Variants in BARD1 observed in about 807,000 individuals in gnomAD.
BARD1 encodes BRCA1-associated RING domain protein 1.
BARD1 carries 73 observed loss-of-function variants against 77.0 expected under a neutral mutation model. The ratio of observed to expected loss-of-function variants is 0.95; its 90% CI spans 0.79 to 1.15. BARD1 has a LOEUF of 1.15. Ranked by LOEUF, BARD1 falls within the 50% of genes most tolerant of loss-of-function variation. BARD1 has a pLI of 0.00. For missense variants in BARD1, 993 were observed against 938.8 expected (o/e 1.06, Z -0.75); for synonymous variants, 384 against 338.0 (o/e 1.14, Z -1.49).
chr2:214,761,501 A>G lies in BARD1; in HGVS notation c.1568+5981T>C, dbSNP rs550834122. Among the ~76,000 whole-genome samples the G allele has an allele frequency of 2.6e-5, 4 of 152,322 alleles. No homozygotes were observed. The East Asian group carries it at 7.7e-4, about 29-fold the overall frequency. ...TCAAGGTTATCCCAGGAATACAAGC[A>G]TTATTTAATATTTTTAAATGTATTA... On this transcript the variant is annotated intron_variant, in intron 6 of 10. Transcript: ENST00000260947.
intron 6 of BARD1, among the ~76,000 whole-genome samples, chr2:214,758,024 T>TA (rs1693779166): frequency 6.6e-6 from 1 of 152,136 alleles, no homozygotes; most frequent in Non-Finnish European, 1.5e-5. Context: ...CTGTAAGCTA[T>TA]GGTCAGATTA....
At chr2:214,741,804 C>T (rs1298283496) in intron 9 of BARD1, among the ~76,000 whole-genome samples, 1 of 152,130 alleles carries the variant, frequency 6.6e-6, no homozygotes, top group Non-Finnish European at 1.5e-5. Flanking sequence ...TTAATTATGG[C>T]ACTGTAAGAT....
chr2:214,754,312 A>C (rs1693595167), intron 6 of BARD1, among the ~76,000 whole-genome samples: 1 of 151,844 alleles, frequency 6.6e-6, no homozygotes, highest in African/African-American at 2.4e-5. Flanking sequence ...ATGGTACTCC[A>C]GCCTGAGCAA....
In BARD1 at chr2:214,769,242, C is replaced by T. The variant is rs1213894295; in HGVS notation, c.1385G>A (p.Trp462Ter). 1.2e-6 allele frequency: 2 copies of T among 1,611,708 alleles called. No individual in the cohort carries two copies. Among genetic ancestry groups the T allele is most frequent in the Admixed American group, 1.7e-5 (1 of 59,990 alleles). The change falls in exon 5 of 11, where the codon TGG becomes TAG. Residue 462 changes from tryptophan (W) to a stop codon, truncating the protein, a stop_gained. Coordinates refer to ENST00000260947, the MANE Select transcript of BARD1 (RefSeq NM_000465.4). LOFTEE classifies it high-confidence loss of function. ...AAACCAGACAACTACCAATGGTGTC[C>T]ATCCAGCATGGTCTTTAACATTTGG... ...SDPNVKDHAGWTPLHEACNHG... is the reference protein window; with the variant it reads ...SDPNVKDHAG
At chr2:214,780,414 A>T in intron 4 of BARD1, 146 bp downstream of exon 4, 1 of 733,788 alleles carries the variant, frequency 1.4e-6, no homozygotes. Context: ...TCTCCCTATG[A>T]ATCTGGCTTC....
chr2:214,774,787 C>T (rs2106094802), intron 4 of BARD1, among the ~76,000 whole-genome samples: 1 of 152,344 alleles, frequency 6.6e-6, no homozygotes, highest in East Asian at 1.9e-4. Context: ...TTTAGTGTGC[C>T]ACTCTCATAA....
intron 7 of BARD1, among the ~76,000 whole-genome samples, chr2:214,748,347 C>T (rs190885306): frequency 6.6e-6 from 1 of 151,956 alleles, no homozygotes; most frequent in African/African-American, 2.4e-5. Context: ...GGTCTCTGAC[C>T]CATGAGGCTC....
intron 6 of BARD1, among the ~76,000 whole-genome samples, chr2:214,766,568 T>C (rs895836947): frequency 6.6e-6 from 1 of 152,128 alleles, no homozygotes; most frequent in Admixed American, 6.6e-5. Context: ...CCCCCAAATA[T>C]GTCAGCACAG....
chr2:214,767,482 A>G lies in BARD1; in HGVS notation c.1568T>C (p.Val523Ala), dbSNP rs587780017. The change falls in exon 6 of 11, where the codon GTT becomes GCT. Residue 523 changes from valine (V) to alanine (A), a missense_variant and splice_region_variant. Physicochemically the swap from Val to Ala is moderately conservative, Grantham distance 64. Coordinates refer to ENST00000260947, the MANE Select transcript of BARD1 (RefSeq NM_000465.4). ...ATAATTTTTACGTTGAACTACTTAC[A>G]CAGCATTTCTGGAGGCTCCATAGGA... ...LLSYGASRNA[V>A]NIFGLRPVDY... 4.6e-5 allele frequency: 74 copies of G among 1,612,872 alleles called. 1 individual carries two copies. The highest frequency in any genetic ancestry group is 1.7e-5 in the Admixed American group (1 of 59,986).
chr2:214,783,929 T>C (rs142575552), intron 3 of BARD1, among the ~76,000 whole-genome samples: 3,775 of 152,262 alleles, frequency 0.025, 155 homozygotes, highest in African/African-American at 0.085. Context: ...GAAGAAAATC[T>C]AGGCAATACC....
intron 3 of BARD1, among the ~76,000 whole-genome samples, chr2:214,785,715 G>GA (rs200122586): frequency 0.054 from 7,985 of 146,876 alleles, 250 homozygotes; most frequent in Admixed American, 0.086. Flanking sequence ...TTCAGGCCCA[G>GA]AAAAAAAAAG....
At chr2:214,787,695 T>C (rs1328694413) in intron 3 of BARD1, among the ~76,000 whole-genome samples, 7 of 151,924 alleles carry the variant, frequency 4.6e-5, no homozygotes, top group Admixed American at 1.3e-4. Context: ...CACAAAATAT[T>C]GAGTAACAGA....
chr2:214,752,927 A>C lies in BARD1; in HGVS notation c.1569-372T>G, dbSNP rs918971768. 2.6e-5 allele frequency among the ~76,000 whole-genome samples: 4 copies of C among 152,168 alleles called. No homozygotes were observed. In the East Asian group the frequency reaches 7.7e-4, roughly 29 times the overall value. Reference sequence around the variant, plus strand: ...GCCATATAGTCTTTATAAACCAATAAAAAATTAGATAAATTCACAGGACAG... The same window carrying C: ...GCCATATAGTCTTTATAAACCAATACAAAATTAGATAAATTCACAGGACAG... On this transcript the variant is annotated intron_variant, in intron 6 of 10. Transcript: ENST00000260947.
chr2:214,769,449 A>G lies in BARD1; in HGVS notation c.1315-137T>C, dbSNP rs1008573109. 8.1e-6 allele frequency: 6 copies of G among 740,236 alleles called. No individual in the cohort carries two copies. In the African/African-American group the frequency reaches 1.1e-4, roughly 13 times the overall value. The allele number at this position is 740,236 out of a possible 1,614,324, so 45.9% of individuals were successfully genotyped here. On this transcript the variant is annotated intron_variant, in intron 4 of 10. Transcript: ENST00000260947. Reference sequence around the variant, plus strand: ...TCTTAAGGCTACTGTTCATGAGTTAATAAATTATTAGGCCGGGTGTGGTGG... The same window carrying G: ...TCTTAAGGCTACTGTTCATGAGTTAGTAAATTATTAGGCCGGGTGTGGTGG...
chr2:214,798,858 C>T (rs1695882581), intron 1 of BARD1, among the ~76,000 whole-genome samples: 1 of 151,616 alleles, frequency 6.6e-6, no homozygotes, highest in African/African-American at 2.4e-5. Flanking sequence ...GAGGCTCATG[C>T]CTGTAATCCT....
rs530249056 is a variant in BARD1, at chr2:214,788,254, T to G, written c.364+4043A>C. On this transcript the variant is annotated intron_variant, in intron 3 of 10. Coordinates refer to ENST00000260947, the MANE Select transcript of BARD1 (RefSeq NM_000465.4). ...CTGACCAGCACCTGCAAGGTCTGAC[T>G]TAATATGATAGGGTTGAAGAGAAAA... Among the ~76,000 whole-genome samples the G allele has an allele frequency of 2.2e-4, 34 of 152,128 alleles. No homozygotes were observed. The South Asian group carries it at 6.0e-3, about 27-fold the overall frequency.
chr2:214,802,572 AT>A (rs111535702), intron 1 of BARD1, among the ~76,000 whole-genome samples: 6 of 151,666 alleles, frequency 4.0e-5, no homozygotes, highest in Non-Finnish European at 8.8e-5. Context: ...CTTAACTTTC[AT>A]TTTTTCTGAG....
In BARD1 at chr2:214,788,106, C is replaced by T. The variant is rs993009622; in HGVS notation, c.364+4191G>A. ...TAGCATATATGAAACACTATGTAAT[C>T]GTTACAGAAAGACGAGCATCTCTCT... On this transcript the variant is annotated intron_variant, in intron 3 of 10. Coordinates refer to ENST00000260947, the MANE Select transcript of BARD1 (RefSeq NM_000465.4). Among the ~76,000 whole-genome samples, 4 of 151,788 alleles carry T rather than the reference C, an allele frequency of 2.6e-5. No homozygotes were observed. In the East Asian group the frequency reaches 5.8e-4, roughly 22 times the overall value.
At chr2:214,751,557 G>A (rs1693454853) in intron 7 of BARD1, among the ~76,000 whole-genome samples, 2 of 151,962 alleles carry the variant, frequency 1.3e-5, no homozygotes, top group African/African-American at 2.4e-5. Context: ...TTATTACAAT[G>A]TACAGTAAAA....
Sources: allele counts gnomAD v4.1 joint callset (sites outside exome capture counted in the v4.1 genomes callset), GRCh38; gene constraint gnomAD v4.1.1; transcripts MANE v1.5; gene names NCBI Gene and HGNC (gene_info 2026-07-23, HGNC 2026-07-21).